TMEM132D: variants seen among roughly 807,000 people sequenced by gnomAD.
TMEM132D encodes mature OL transmembrane protein.
Under a neutral mutation model 62.3 loss-of-function variants are expected in TMEM132D, and 21 were observed. That is an observed-to-expected ratio of 0.34 (90% confidence interval 0.24 to 0.49). The LOEUF is 0.49. TMEM132D is among the 20% of genes least tolerant of loss of function. The pLI is 0.99. For synonymous variants in TMEM132D, 621 were observed against 575.6 expected (o/e 1.08, Z -1.13); for missense variants, 1,346 against 1,402.8 (o/e 0.96, Z 0.65).
At chr12:129,606,800 C>T (rs576424813) in intron 2 of TMEM132D, among the ~76,000 whole-genome samples, 1 of 152,298 alleles carries the variant, frequency 6.6e-6, no homozygotes, top group South Asian at 2.1e-4. Context: ...ATATCTTAAA[C>T]ATCTGAGTAT....
chr12:129,623,745 AC>A (rs1186676877), intron 2 of TMEM132D, among the ~76,000 whole-genome samples: 1 of 131,230 alleles, frequency 7.6e-6, no homozygotes, highest in East Asian at 2.1e-4. Flanking sequence ...ACATATATAT[AC>A]ACATATATAT....
chr12:129,850,582 T>C (rs761900052), intron 1 of TMEM132D, among the ~76,000 whole-genome samples: 9 of 152,216 alleles, frequency 5.9e-5, no homozygotes, highest in Admixed American at 1.3e-4. Flanking sequence ...CTTTGGTTTG[T>C]TTGCTTGCAG....
intron 3 of TMEM132D, among the ~76,000 whole-genome samples, chr12:129,482,586 G>A (rs1045448373): frequency 6.6e-6 from 1 of 152,162 alleles, no homozygotes; most frequent in Non-Finnish European, 1.5e-5. Flanking sequence ...AGTTTTTAAA[G>A]TACTTTACTC....
At chr12:129,414,117 G>T (rs967225711) in intron 3 of TMEM132D, among the ~76,000 whole-genome samples, 22 of 152,156 alleles carry the variant, frequency 1.4e-4, no homozygotes, top group African/African-American at 4.8e-4. Context: ...GAATCTCTCC[G>T]CATAAAGTGG....
intron 5 of TMEM132D, among the ~76,000 whole-genome samples, chr12:129,121,997 A>G (rs929249354): frequency 2.0e-5 from 3 of 152,302 alleles, no homozygotes; most frequent in Admixed American, 1.3e-4. Context: ...TGGCAGGCTC[A>G]TGGAAGCCCG....
chr12:129,740,539 T>C (rs1190310686), intron 1 of TMEM132D, among the ~76,000 whole-genome samples: 1 of 152,238 alleles, frequency 6.6e-6, no homozygotes, highest in Non-Finnish European at 1.5e-5. Context: ...GTGGAAATTT[T>C]AATCATTCAG....
At position 129,209,431 on chromosome 12, in the gene TMEM132D, C is replaced by A. The variant is rs569738885; in HGVS notation, c.1443+89G>T. 3.3e-6 allele frequency: 5 copies of A among 1,525,892 alleles called. No individual in the cohort carries two copies. The East Asian group carries it at 1.2e-4, about 35-fold the overall frequency. The allele number at this position is 1,525,892 out of a possible 1,614,324, so 94.5% of individuals were successfully genotyped here. A position where few individuals can be genotyped will look rare whatever the true frequency, so the allele number is the denominator to read the frequency against. On this transcript the variant is annotated intron_variant, in intron 5 of 8. Coordinates refer to ENST00000422113, the MANE Select transcript of TMEM132D (RefSeq NM_133448.3). ...GGGATCCTGTGGGACCCAGAGGTCC[C>A]AGAGGTCCCAGAGGTCCCAAGCTGG...
intron 1 of TMEM132D, among the ~76,000 whole-genome samples, chr12:129,760,507 C>CTACA (rs1870331101): frequency 6.6e-6 from 1 of 151,724 alleles, no homozygotes; most frequent in South Asian, 2.1e-4. Context: ...CCCGCCTCCA[C>CTACA]GCCCGGCTGA....
intron 4 of TMEM132D, among the ~76,000 whole-genome samples, chr12:129,302,347 T>C (rs1881738875): frequency 6.6e-6 from 1 of 152,232 alleles, no homozygotes; most frequent in African/African-American, 2.4e-5. Context: ...ACTCCTGACC[T>C]CAAGAGATCC....
intron 3 of TMEM132D, among the ~76,000 whole-genome samples, chr12:129,523,564 C>T (rs748239765): frequency 8.5e-5 from 13 of 152,260 alleles, no homozygotes; most frequent in Non-Finnish European, 1.6e-4. Flanking sequence ...AGACGCGTGG[C>T]GGTAACTCAG....
intron 1 of TMEM132D, chr12:129,854,985 C>T (rs1448352976): frequency 1.3e-5 from 2 of 152,434 alleles, no homozygotes; most frequent in African/African-American, 2.4e-5. Flanking sequence ...TGTTTATGCC[C>T]CTCCCCCAAA....
At chr12:129,581,333 G>A (rs964767828) in intron 2 of TMEM132D, among the ~76,000 whole-genome samples, 11 of 152,256 alleles carry the variant, frequency 7.2e-5, no homozygotes, top group Middle Eastern at 3.4e-3. Flanking sequence ...AGAGGGACAC[G>A]ACTAATAGGA....
rs778001774 is a variant in TMEM132D at position 129,530,990 on chromosome 12, G to GGA, written c.1115+68_1115+69insTC. 2.4e-4 allele frequency: 304 copies of GGA among 1,268,308 alleles called. 1 individual carries two copies. The East Asian group carries it at 5.7e-3, about 24-fold the overall frequency. 78.6% of individuals were successfully genotyped at this position (1,268,308 alleles called of 1,614,324 possible). On this transcript the variant is annotated intron_variant, in intron 3 of 8. Transcript: ENST00000422113. ...GTGGAAATGGTTGTTAGCAATCTAG[G>GGA]AAAAAAAAAAAAAAATCAGGCCACA...
At chr12:129,672,468 G>C (rs1880523108) in intron 2 of TMEM132D, among the ~76,000 whole-genome samples, 1 of 152,160 alleles carries the variant, frequency 6.6e-6, no homozygotes, top group African/African-American at 2.4e-5. Flanking sequence ...AGATTTCCGG[G>C]TTGGTGTGGT....
intron 5 of TMEM132D, among the ~76,000 whole-genome samples, chr12:129,135,025 T>G (rs1040442050): frequency 6.6e-6 from 1 of 152,240 alleles, no homozygotes; most frequent in African/African-American, 2.4e-5. Flanking sequence ...TCCTTGTTGC[T>G]GGGGACAGGT....
At chr12:129,812,192 C>T (rs895553334) in intron 1 of TMEM132D, among the ~76,000 whole-genome samples, 2 of 151,756 alleles carry the variant, frequency 1.3e-5, no homozygotes, top group African/African-American at 4.8e-5. Flanking sequence ...CGTGTCATCA[C>T]CATCAGCTCC....
intron 5 of TMEM132D, among the ~76,000 whole-genome samples, chr12:129,191,406 TAG>T (rs1399657338): frequency 4.0e-5 from 6 of 151,188 alleles, no homozygotes; most frequent in Non-Finnish European, 7.4e-5. Flanking sequence ...GAATACAGAA[TAG>T]AGAGATCTAT....
At chr12:129,819,841 G>A (rs769998094) in intron 1 of TMEM132D, among the ~76,000 whole-genome samples, 4 of 152,034 alleles carry the variant, frequency 2.6e-5, no homozygotes, top group Admixed American at 6.6e-5. Context: ...GTCTTTCACC[G>A]GATTCAACCA....
chr12:129,613,035 C>T (rs894490916), intron 2 of TMEM132D, among the ~76,000 whole-genome samples: 4 of 152,180 alleles, frequency 2.6e-5, no homozygotes, highest in African/African-American at 9.7e-5. Context: ...CAATTCCGTC[C>T]TGAGCCCATC....
Sources: gnomAD v4.1 joint callset for allele counts (sites outside exome capture counted in the v4.1 genomes callset) on GRCh38, gnomAD v4.1.1 for gene constraint, MANE v1.5 for transcripts, NCBI Gene and HGNC (gene_info 2026-07-23, HGNC 2026-07-21) for gene names.